The following ZNF106 variants were observed in gnomAD, a reference collection of about 807,000 sequenced individuals.
The protein encoded by ZNF106 is zinc finger protein 106, also known as SH3-domain binding protein 3.
ZNF106 carries 67 observed loss-of-function variants against 195.1 expected under a neutral mutation model. The observed-to-expected ratio is 0.34, with a 90% CI of 0.28 to 0.42. The LOEUF is 0.42. ZNF106 is among the 10% of genes least tolerant of loss of function. The pLI is 1.00. For missense variants in ZNF106, 2,118 were observed against 2,304.5 expected (o/e 0.92, Z 1.66); for synonymous variants, 784 against 818.6 (o/e 0.96, Z 0.72).
chr15:42,451,278 C>G lies in ZNF106; in HGVS notation c.994G>C (p.Glu332Gln), dbSNP rs148277728. ...EGFTSDKFPS[E>Q]GLLDFNFEQL... is the part of the protein sequence containing the mutation. ...TCAAAATTGAAGTCGAGTAAGCCTTCTGAAGGAAATTTATCACTTGTAAAT... is the reference window on the plus strand; with the variant it reads ...TCAAAATTGAAGTCGAGTAAGCCTTGTGAAGGAAATTTATCACTTGTAAAT... The change falls in exon 5 of 22, where the codon GAA (glutamate) becomes CAA (glutamine). Residue 332 changes from glutamate to glutamine, a missense_variant. By Grantham distance (29) the Glu-to-Gln change is conservative (BLOSUM62 2). Coordinates refer to ENST00000564754, the MANE Select transcript of ZNF106 (RefSeq NM_001366845.3). 6.1e-5 allele frequency: 98 copies of G among 1,614,166 alleles called. 2 individuals are homozygous for G. In the African/African-American group the frequency reaches 9.1e-4, roughly 15 times the overall value.
At position 42,438,645 on chromosome 15, in the gene ZNF106, T is replaced by A; in HGVS notation, c.4567A>T (p.Ile1523Phe). ...PVSVAETQTV[I>F]SSIKGSKNSS... The stretch of plus-strand genomic sequence containing the variant: ...TTCTTTGATCCTTTTATGGAGGAGA[T>A]CACAGTCTGAGTTTCTGCCACACTA... The change falls in exon 12 of 22, where the codon ATC becomes TTC. Residue 1523 changes from isoleucine (I) to phenylalanine (F), a missense_variant. Ile to Phe is a conservative substitution (Grantham distance 21, BLOSUM62 0). Transcript: ENST00000564754. 2 of 1,613,918 alleles carry A rather than the reference T, an allele frequency of 1.2e-6. No individual in the cohort carries two copies. The highest frequency in any genetic ancestry group is 1.7e-6 in the Non-Finnish European group (2 of 1,179,864).
intron 9 of ZNF106, 63 bp from the exon 10 acceptor site, chr15:42,442,477 T>A: frequency 7.4e-7 from 1 of 1,360,360 alleles, no homozygotes; most frequent in Non-Finnish European, 1.0e-6. Context: ...CATTTGTGTC[T>A]GAGCTAATTT....
intron 13 of ZNF106, among the ~76,000 whole-genome samples, chr15:42,435,962 T>C (rs1325099342): frequency 6.6e-6 from 1 of 151,356 alleles, no homozygotes; most frequent in African/African-American, 2.4e-5. Context: ...TTGTTTCTTT[T>C]TTTTTTTTTT....
Position 42,451,151 on chromosome 15 carries a change from G to T in ZNF106, c.1121C>A (p.Pro374His), listed in dbSNP as rs762819416. 2 of 1,614,140 alleles carry T rather than the reference G, an allele frequency of 1.2e-6. No homozygotes were observed. Among genetic ancestry groups the T allele is most frequent in the Non-Finnish European group, 1.7e-6 (2 of 1,180,034 alleles). The change falls in exon 5 of 22, where the codon CCT becomes CAT. Residue 374 changes from proline to histidine, a missense_variant. Pro to His is a moderately conservative substitution (Grantham distance 77, BLOSUM62 -2). Transcript: ENST00000564754. ...AAREKPRRWT[P>H]YPSQKTLDLQ... ...ATCCAGAGTCTTCTGAGAAGGGTAA[G>T]GCGTCCAGCGACGAGGCTTTTCCCT...
intron 1 of ZNF106, among the ~76,000 whole-genome samples, chr15:42,472,791 C>G (rs2056704779): frequency 6.6e-6 from 1 of 152,068 alleles, no homozygotes; most frequent in Non-Finnish European, 1.5e-5. Flanking sequence ...GCGGGCAGAT[C>G]ACGAGGTCAG....
chr15:42,468,756 A>AT (rs1239533172), intron 2 of ZNF106, among the ~76,000 whole-genome samples: 2 of 151,850 alleles, frequency 1.3e-5, no homozygotes, highest in African/African-American at 4.8e-5. Context: ...AAAATAAAAA[A>AT]TAAAAAAATA....
chr15:42,444,683 C>G, intron 8 of ZNF106, 144 bp downstream of exon 8: 1 of 966,488 alleles, frequency 1.0e-6, no homozygotes. Flanking sequence ...TCCTAACTGT[C>G]CCCCATTAGG....
At chr15:42,466,844 C>T (rs2056529508) in intron 2 of ZNF106, among the ~76,000 whole-genome samples, 1 of 152,146 alleles carries the variant, frequency 6.6e-6, no homozygotes, top group Non-Finnish European at 1.5e-5. Context: ...CACTTAAAAA[C>T]ATGCACACGG....
At position 42,450,758 on chromosome 15, in the gene ZNF106, G is replaced by T; in HGVS notation, c.1514C>A (p.Ser505Tyr). Residue 505 changes from serine (S) to tyrosine (Y), a missense_variant, in exon 5 of 22, where the codon TCC (serine) becomes TAC (tyrosine). By Grantham distance (144) the Ser-to-Tyr change is moderately radical. Transcript: ENST00000564754. The part of the protein sequence containing the change: ...ISKNTKTNFF[S>Y]PGEHSNPSNK... The stretch of plus-strand genomic sequence containing the variant: ...CGAGGGATTTGAGTGTTCTCCAGGG[G>T]AAAAAAAATTTGTTTTGGTGTTTTT... The T allele has an allele frequency of 6.2e-7, 1 of 1,613,948 alleles. No individual in the cohort carries two copies. Among genetic ancestry groups the T allele is most frequent in the South Asian group, 1.1e-5 (1 of 91,072 alleles).
chr15:42,413,930 A>G lies in ZNF106; in HGVS notation c.*3374T>C, dbSNP rs1379012230. 1 of 152,240 alleles carries G rather than the reference A, an allele frequency of 6.6e-6. No homozygotes were observed. The highest frequency in any genetic ancestry group is 6.5e-5 in the Admixed American group (1 of 15,284). The allele number at this position is 152,240 out of a possible 1,614,324, so 9.4% of individuals were successfully genotyped here. On this transcript the variant is annotated 3_prime_UTR_variant, in exon 22 of 22. Coordinates refer to ENST00000564754, the MANE Select transcript of ZNF106 (RefSeq NM_001366845.3). ...CAAAATTATTTTTAACCTAATTAAA[A>G]ACTTTCACAGAAAACTTGAAGTGAC...
At chr15:42,421,780 C>T in intron 19 of ZNF106, 137 bp downstream of exon 19, 1 of 573,684 alleles carries the variant, frequency 1.7e-6, no homozygotes, top group Non-Finnish European at 2.9e-6. Flanking sequence ...CCCCTGGTTA[C>T]TTCCCTATTA....
In ZNF106 at chr15:42,439,374, A is replaced by G. The variant is rs757828420; in HGVS notation, c.4203T>C (p.Thr1401=). Residue 1401 remains threonine (T), a synonymous_variant, in exon 11 of 22, where the codon ACT becomes ACC. Coordinates refer to ENST00000564754, the MANE Select transcript of ZNF106 (RefSeq NM_001366845.3). The part of the protein sequence containing the change: ...ENSDTEQDVL[T]VKPVRKVKAG... The stretch of plus-strand genomic sequence containing the variant: ...CTTTTACTTTCCTTACAGGTTTAAC[A>G]GTCAAAACATCCTGTTCAGTGTCAC... The G allele has an allele frequency of 6.2e-7, 1 of 1,613,982 alleles. No homozygotes were observed. The highest frequency in any genetic ancestry group is 1.3e-5 in the African/African-American group (1 of 74,924).
Position 42,457,038 on chromosome 15 carries a change from A to G in ZNF106, c.237T>C (p.Asp79=), listed in dbSNP as rs145453395. 32 of 1,609,776 alleles carry G rather than the reference A, an allele frequency of 2.0e-5. No individual in the cohort carries two copies. In the East Asian group the frequency reaches 5.1e-4, roughly 26 times the overall value. Residue 79 remains aspartate, a synonymous_variant, in exon 4 of 22, where the codon GAT becomes GAC. Transcript: ENST00000564754. ...DNVDAQERED[D]GKGEEEEEDY... ...CTTCTTCCTCTTCCTCTCCTTTTCCATCATCTTCTCTTTCCTGGGCATCAA... is the reference window on the plus strand; with the variant it reads ...CTTCTTCCTCTTCCTCTCCTTTTCCGTCATCTTCTCTTTCCTGGGCATCAA...
In ZNF106 at chr15:42,448,885, G is replaced by A. The variant is rs570178776; in HGVS notation, c.2502-180C>T. Among the ~76,000 whole-genome samples, 293 of 152,170 alleles carry A rather than the reference G, an allele frequency of 1.9e-3. 1 individual carries two copies. The highest frequency in any genetic ancestry group is 6.8e-3 in the African/African-American group (282 of 41,514). ...ATATAAATATATTACGTTGTCACAA[G>A]TACCAGATTAGAGGTTTGTATACAG... On this transcript the variant is annotated intron_variant, in intron 5 of 21. Coordinates refer to ENST00000564754, the MANE Select transcript of ZNF106 (RefSeq NM_001366845.3).
At chr15:42,487,769 T>C (rs1324242390) in intron 1 of ZNF106, among the ~76,000 whole-genome samples, 1 of 152,174 alleles carries the variant, frequency 6.6e-6, no homozygotes, top group African/African-American at 2.4e-5. Flanking sequence ...TGAAACTTTA[T>C]ATCCATTAAA....
In ZNF106 at chr15:42,439,161, G is replaced by T; in HGVS notation, c.4416C>A (p.Asp1472Glu). 6.2e-7 allele frequency: 1 copy of T among 1,614,098 alleles called. No homozygotes were observed. The highest frequency in any genetic ancestry group is 1.1e-5 in the South Asian group (1 of 91,086). ...TCCAAATATCCTTTTTAGATGGGCT[G>T]TCTGGTTTCTCTTCTCCTGATTCTG... The part of the protein sequence containing the change: ...DSSESGEEKP[D>E]SPSKKDIWNS... The change falls in exon 11 of 22, where the codon GAC becomes GAA. Residue 1472 changes from aspartate to glutamate, a missense_variant. Asp to Glu is a conservative substitution (Grantham distance 45, BLOSUM62 2). Transcript: ENST00000564754.
intron 14 of ZNF106, 38 bp from the exon 15 acceptor site, chr15:42,428,172 C>T (rs1274896099): frequency 1.3e-6 from 2 of 1,556,532 alleles, no homozygotes; most frequent in African/African-American, 1.4e-5. Flanking sequence ...GCAGAGGGTA[C>T]TGGCAAATGA....
intron 19 of ZNF106, 70 bp from the exon 20 acceptor site, chr15:42,421,202 G>C: frequency 7.2e-7 from 1 of 1,390,144 alleles, no homozygotes; most frequent in Non-Finnish European, 1.0e-6. Flanking sequence ...CAAAACAAGA[G>C]TCACAAGCTC....
At chr15:42,429,016 C>T (rs772900773) in intron 14 of ZNF106, among the ~76,000 whole-genome samples, 5 of 151,672 alleles carry the variant, frequency 3.3e-5, no homozygotes, top group South Asian at 2.1e-4. Context: ...CTGCCCGCCT[C>T]GGCCTCCCTT....
Sources: allele counts gnomAD v4.1 joint callset (sites outside exome capture counted in the v4.1 genomes callset), GRCh38; gene constraint gnomAD v4.1.1; transcripts MANE v1.5; gene names NCBI Gene and HGNC (gene_info 2026-07-23, HGNC 2026-07-21).